ROBO1: variants seen among roughly 807,000 people sequenced by gnomAD.
The protein encoded by ROBO1 is roundabout homolog 1.
Under a neutral mutation model 195.9 loss-of-function variants are expected in ROBO1, and 149 were observed. That is an observed-to-expected ratio of 0.76 (90% confidence interval 0.67 to 0.87). The LOEUF is 0.87. Ranked by LOEUF, ROBO1 falls within the 40% of genes least tolerant of loss-of-function variation. The pLI is 0.00. For synonymous variants in ROBO1, 816 were observed against 733.2 expected, an observed-to-expected ratio of 1.11 and a Z score of -1.82; for missense variants, 1,933 against 2,068.3, an observed-to-expected ratio of 0.93 and a Z score of 1.27.
chr3:79,159,252 G>A (rs918733315), intron 2 of ROBO1, among the ~76,000 whole-genome samples: 2 of 151,924 alleles, frequency 1.3e-5, no homozygotes, highest in Non-Finnish European at 2.9e-5. Flanking sequence ...TGAAATTGCT[G>A]TCAGGACAAC....
chr3:78,920,624 G>GTTTTTTTTTTTT (rs34364869), intron 4 of ROBO1, among the ~76,000 whole-genome samples: 3 of 60,962 alleles, frequency 4.9e-5, no homozygotes, highest in African/African-American at 2.2e-4. Context: ...CTTTCTTTCA[G>GTTTTTTTTTTTT]TTTTTTTTTT....
chr3:79,399,483 C>G (rs1265038837), intron 2 of ROBO1, among the ~76,000 whole-genome samples: 1 of 152,160 alleles, frequency 6.6e-6, no homozygotes, highest in Admixed American at 6.5e-5. Context: ...TCTGATTCCT[C>G]TGATATATCA....
Position 79,116,415 on chromosome 3 carries a change from TTCTC to T in ROBO1, c.172+9037_172+9040del, listed in dbSNP as rs1010218448. 5.4e-5 allele frequency among the ~76,000 whole-genome samples: 8 copies of T among 149,202 alleles called. No individual in the cohort carries two copies. In the South Asian group the frequency reaches 8.4e-4, roughly 16 times the overall value. On this transcript the variant is annotated intron_variant, in intron 3 of 30. Transcript: ENST00000464233. ...CTTCCTTCCTTGCTTCCTTCCTTCC[TTCTC>T]TATTTTCTTTTCCTTTCCTTTCCTT...
At chr3:79,353,226 T>C (rs1442933590) in intron 2 of ROBO1, among the ~76,000 whole-genome samples, 4 of 152,164 alleles carry the variant, frequency 2.6e-5, no homozygotes, top group African/African-American at 9.7e-5. Context: ...TGATGTATTG[T>C]TCTGAGTCAT....
intron 4 of ROBO1, among the ~76,000 whole-genome samples, chr3:78,905,912 T>C (rs1020356233): frequency 6.6e-6 from 1 of 152,112 alleles, no homozygotes; most frequent in Non-Finnish European, 1.5e-5. Flanking sequence ...ACGTCTGACT[T>C]TAAAGCCAGT....
chr3:78,864,035 C>T (rs1576310337), intron 4 of ROBO1, among the ~76,000 whole-genome samples: 1 of 152,172 alleles, frequency 6.6e-6, no homozygotes, highest in African/African-American at 2.4e-5. Context: ...AGATAGCTTG[C>T]TTGCTGCTTT....
chr3:79,466,453 C>A (rs1035451294), intron 2 of ROBO1, among the ~76,000 whole-genome samples: 1 of 152,184 alleles, frequency 6.6e-6, no homozygotes, highest in Non-Finnish European at 1.5e-5. Flanking sequence ...GAGATCGATA[C>A]AGCTCATTTC....
chr3:79,273,823 A>G (rs2030785445), intron 2 of ROBO1, among the ~76,000 whole-genome samples: 1 of 152,042 alleles, frequency 6.6e-6, no homozygotes, highest in South Asian at 2.1e-4. Flanking sequence ...ATGAAAAATG[A>G]GCAGGAATAG....
At chr3:78,993,855 C>T (rs1351338380) in intron 3 of ROBO1, among the ~76,000 whole-genome samples, 2 of 151,860 alleles carry the variant, frequency 1.3e-5, no homozygotes, top group East Asian at 1.9e-4. Context: ...TCTGTTAAGC[C>T]AAAATGGTTT....
chr3:79,758,216 T>C (rs1202785554), intron 1 of ROBO1, among the ~76,000 whole-genome samples: 2 of 152,222 alleles, frequency 1.3e-5, no homozygotes, highest in African/African-American at 4.8e-5. Flanking sequence ...TCTCTGATGA[T>C]GGAAACCGTC....
At chr3:79,331,631 GC>G (rs2034441831) in intron 2 of ROBO1, among the ~76,000 whole-genome samples, 1 of 151,176 alleles carries the variant, frequency 6.6e-6, no homozygotes, top group South Asian at 2.1e-4. Context: ...TTCAGCCAGA[GC>G]AGGTCCAGCT....
intron 3 of ROBO1, among the ~76,000 whole-genome samples, chr3:79,081,908 A>G (rs1253816942): frequency 1.3e-5 from 2 of 152,224 alleles, no homozygotes; most frequent in African/African-American, 2.4e-5. Flanking sequence ...GTGACATTTA[A>G]TGCTATATTA....
chr3:79,375,637 G>C (rs928071667), intron 2 of ROBO1, among the ~76,000 whole-genome samples: 1 of 152,142 alleles, frequency 6.6e-6, no homozygotes, highest in Admixed American at 6.5e-5. Flanking sequence ...AGTTTCCAAG[G>C]GGACCTTAGT....
chr3:78,859,820 C>T lies in ROBO1; in HGVS notation c.499+78781G>A, dbSNP rs572618139. Among the ~76,000 whole-genome samples, 5 of 152,298 alleles carry T rather than the reference C, an allele frequency of 3.3e-5. No individual in the cohort carries two copies. The South Asian group carries it at 1.0e-3, about 32-fold the overall frequency. Reference sequence around the variant, plus strand: ...GGGGGAGCCGGTGCAGGGGCTCGCGCCTATAATCCCAGCACTTTGGGAGGC... The same window carrying T: ...GGGGGAGCCGGTGCAGGGGCTCGCGTCTATAATCCCAGCACTTTGGGAGGC... On this transcript the variant is annotated intron_variant, in intron 4 of 30. Coordinates refer to ENST00000464233, the MANE Select transcript of ROBO1 (RefSeq NM_002941.4).
intron 3 of ROBO1, among the ~76,000 whole-genome samples, chr3:79,085,261 C>A (rs1247409108): frequency 2.6e-5 from 4 of 152,096 alleles, no homozygotes; most frequent in Non-Finnish European, 5.9e-5. Context: ...TAAACAATTT[C>A]TTTACTTATT....
intron 3 of ROBO1, among the ~76,000 whole-genome samples, chr3:79,078,124 A>C (rs929747782): frequency 2.0e-5 from 3 of 151,826 alleles, no homozygotes; most frequent in African/African-American, 7.2e-5. Flanking sequence ...AATAAAATGA[A>C]GAAAAAGTGA....
chr3:79,695,174 C>A (rs903936804), intron 1 of ROBO1, among the ~76,000 whole-genome samples: 1 of 151,360 alleles, frequency 6.6e-6, no homozygotes, highest in Non-Finnish European at 1.5e-5. Context: ...ATATGAACAT[C>A]TGATAACTGA....
At chr3:79,641,799 C>A (rs770405116) in intron 1 of ROBO1, among the ~76,000 whole-genome samples, 8 of 152,030 alleles carry the variant, frequency 5.3e-5, no homozygotes, top group Non-Finnish European at 1.0e-4. Context: ...GGGTGGGTCA[C>A]TTGAGCTCAG....
intron 2 of ROBO1, among the ~76,000 whole-genome samples, chr3:79,455,775 G>C (rs555312766): frequency 6.6e-6 from 1 of 152,172 alleles, no homozygotes; most frequent in African/African-American, 2.4e-5. Context: ...AGTCTAAGTG[G>C]TAACAACTGA....
Sources: gnomAD v4.1 joint callset for allele counts (sites outside exome capture counted in the v4.1 genomes callset) on GRCh38, gnomAD v4.1.1 for gene constraint, MANE v1.5 for transcripts, NCBI Gene and HGNC (gene_info 2026-07-23, HGNC 2026-07-21) for gene names.